SCN8A: variants seen among roughly 807,000 people sequenced by gnomAD.
SCN8A encodes the protein sodium voltage-gated channel alpha subunit 8.
SCN8A carries 30 observed loss-of-function variants against 184.1 expected under a neutral mutation model. That is an observed-to-expected ratio of 0.16 (90% CI 0.12 to 0.22). The LOEUF is 0.22. Among genes scored for constraint, SCN8A ranks in the 10% least tolerant of loss-of-function variants. The probability of loss-of-function intolerance (pLI) is 1.00; values close to 1 mark genes in which losing one functional copy is unlikely to be tolerated. For missense variants in SCN8A, 1,057 were observed against 2,498.9 expected, an observed-to-expected ratio of 0.42 and a Z score of 12.30; for synonymous variants, 852 against 907.0, an observed-to-expected ratio of 0.94 and a Z score of 1.09.
At chr12:51,802,074 C>T (rs1004211172) in intron 26 of SCN8A, among the ~76,000 whole-genome samples, 1 of 151,862 alleles carries the variant, frequency 6.6e-6, no homozygotes, top group Admixed American at 6.6e-5. Context: ...GAAACTCAAG[C>T]AGTTCTTTTG....
chr12:51,658,827 C>T (rs913782181), intron 1 of SCN8A, among the ~76,000 whole-genome samples: 7 of 152,104 alleles, frequency 4.6e-5, no homozygotes, highest in East Asian at 3.9e-4. Context: ...TTAAAAAATA[C>T]GAGATGCTGC....
intron 14 of SCN8A, among the ~76,000 whole-genome samples, chr12:51,756,743 C>T (rs977506805): frequency 1.3e-5 from 2 of 152,188 alleles, no homozygotes. Flanking sequence ...CTTGCTGGGC[C>T]GTGCCCTTCC....
intron 1 of SCN8A, among the ~76,000 whole-genome samples, chr12:51,594,917 AGATTGTTGTATCTC>A (rs1939311957): frequency 6.6e-6 from 1 of 152,190 alleles, no homozygotes; most frequent in Admixed American, 6.5e-5. Context: ...GGACTTAAAC[AGATTGTTGTATCTC>A]AATTTACCTT....
At chr12:51,621,083 T>C (rs1056265409) in intron 1 of SCN8A, among the ~76,000 whole-genome samples, 1 of 152,220 alleles carries the variant, frequency 6.6e-6, no homozygotes. Context: ...TGGGGCTGGC[T>C]TTCTGGAAGA....
intron 6 of SCN8A, among the ~76,000 whole-genome samples, chr12:51,691,262 T>C (rs773360424): frequency 6.6e-6 from 1 of 152,208 alleles, no homozygotes; most frequent in Non-Finnish European, 1.5e-5. Flanking sequence ...GAAAGCTGTA[T>C]TCTATTCACT....
chr12:51,723,464 G>A (rs1942101304), intron 12 of SCN8A, among the ~76,000 whole-genome samples: 1 of 152,222 alleles, frequency 6.6e-6, no homozygotes, highest in South Asian at 2.1e-4. Flanking sequence ...TTCAGCCTGA[G>A]TGACAGAGTG....
At chr12:51,626,036 C>T (rs963807467) in intron 1 of SCN8A, among the ~76,000 whole-genome samples, 9 of 152,140 alleles carry the variant, frequency 5.9e-5, no homozygotes, top group Admixed American at 1.3e-4. Flanking sequence ...CACAGGGCCG[C>T]AGAGGGAAGC....
intron 21 of SCN8A, 127 bp downstream of exon 21, chr12:51,780,898 T>A (rs1182115651): frequency 4.3e-6 from 5 of 1,172,332 alleles, no homozygotes; most frequent in Non-Finnish European, 5.5e-6. Flanking sequence ...GATTTGATCC[T>A]CCACTCTCTC....
rs931867645 is a variant in SCN8A at position 51,684,742 on chromosome 12, G to C, written c.395+450G>C. On this transcript the variant is annotated intron_variant, in intron 3 of 26. Coordinates refer to ENST00000627620, the MANE Select transcript of SCN8A (RefSeq NM_001330260.2). ...AAAAATTTTTTGAGCAGTGAGCTTA[G>C]AAAGTGAGATAGTTCTCAGATGAAA... Among the ~76,000 whole-genome samples the C allele has an allele frequency of 3.3e-5, 5 of 152,174 alleles. No homozygotes were observed. In the East Asian group the frequency reaches 5.8e-4, roughly 18 times the overall value.
intron 1 of SCN8A, among the ~76,000 whole-genome samples, chr12:51,614,664 A>G (rs1302340703): frequency 2.6e-5 from 4 of 152,010 alleles, no homozygotes; most frequent in Non-Finnish European, 4.4e-5. Flanking sequence ...ATTTTCTACT[A>G]ATGTCCTTTT....
At chr12:51,677,655 T>A (rs1321048462) in intron 2 of SCN8A, among the ~76,000 whole-genome samples, 3 of 152,206 alleles carry the variant, frequency 2.0e-5, no homozygotes, top group African/African-American at 7.2e-5. Flanking sequence ...TTCTACATTG[T>A]GTGCTCCAAG....
At chr12:51,794,679 A>G (rs186524185) in intron 26 of SCN8A, 38 bp downstream of exon 26, 19 of 1,591,318 alleles carry the variant, frequency 1.2e-5, no homozygotes, top group Non-Finnish European at 1.5e-5. Context: ...GGGAAAGGGG[A>G]CCTGACTGAT....
At chr12:51,739,049 A>G (rs1264619196) in intron 12 of SCN8A, among the ~76,000 whole-genome samples, 1 of 152,208 alleles carries the variant, frequency 6.6e-6, no homozygotes, top group Non-Finnish European at 1.5e-5. Flanking sequence ...GACACTGACT[A>G]GTCCAGTGTT....
intron 2 of SCN8A, 118 bp from the exon 3 acceptor site, chr12:51,684,055 TG>T: frequency 1.4e-6 from 1 of 700,694 alleles, no homozygotes; most frequent in Admixed American, 2.1e-5. Context: ...AAAACCAAGT[TG>T]GGAAGTAAAA....
At chr12:51,711,895 G>C (rs186663855) in intron 11 of SCN8A, among the ~76,000 whole-genome samples, 44 of 152,220 alleles carry the variant, frequency 2.9e-4, no homozygotes, top group Middle Eastern at 3.4e-3. Context: ...GAAATGGGGA[G>C]AATAGATTCC....
In SCN8A at chr12:51,810,773, C is replaced by CTCTG. The variant is rs1938867759; in HGVS notation, c.*3346_*3349dup. 1 of 152,672 alleles carries CTCTG rather than the reference C, an allele frequency of 6.5e-6. No individual in the cohort carries two copies. The highest frequency in any genetic ancestry group is 2.1e-4 in the South Asian group (1 of 4,830). The allele number at this position is 152,672 out of a possible 1,614,324, so 9.5% of individuals were successfully genotyped here. On this transcript the variant is annotated 3_prime_UTR_variant, in exon 27 of 27. Coordinates refer to ENST00000627620, the MANE Select transcript of SCN8A (RefSeq NM_001330260.2). ...CTCCTTGTTGCTTAGGATGAGGAGA[C>CTCTG]TCTGTAATTTAAAGCAGAGGACGAG...
chr12:51,603,180 C>G (rs1939506382), intron 1 of SCN8A, among the ~76,000 whole-genome samples: 1 of 152,174 alleles, frequency 6.6e-6, no homozygotes, highest in South Asian at 2.1e-4. Flanking sequence ...GTCAAACTTT[C>G]CCTAATCCCC....
At chr12:51,650,444 T>G (rs1592355128) in intron 1 of SCN8A, among the ~76,000 whole-genome samples, 2 of 152,230 alleles carry the variant, frequency 1.3e-5, no homozygotes, top group Admixed American at 6.5e-5. Flanking sequence ...GAGGTTTAAT[T>G]TGACTTACAG....
chr12:51,719,979 G>C (rs1035025787), intron 11 of SCN8A, among the ~76,000 whole-genome samples: 1 of 151,646 alleles, frequency 6.6e-6, no homozygotes, highest in South Asian at 2.1e-4. Context: ...GGGAGGCTGA[G>C]GCAGGAGAAT....
Sources: allele counts gnomAD v4.1 joint callset (sites outside exome capture counted in the v4.1 genomes callset), GRCh38; gene constraint gnomAD v4.1.1; transcripts MANE v1.5; gene names NCBI Gene and HGNC (gene_info 2026-07-23, HGNC 2026-07-21).